Variants in HLCS observed in about 807,000 individuals in gnomAD.
HLCS encodes the protein biotin--protein ligase.
In HLCS, 53 loss-of-function variants were observed where a neutral mutation model predicts 75.0. The ratio of observed to expected loss-of-function variants is 0.71; its 90% CI spans 0.57 to 0.89. The LOEUF is 0.89. Among genes scored for constraint, HLCS ranks in the 40% least tolerant of loss-of-function variants. The pLI is 0.00. For synonymous variants in HLCS, 431 were observed against 428.6 expected, an observed-to-expected ratio of 1.01 and a Z score of -0.07; for missense variants, 966 against 1,074.0, an observed-to-expected ratio of 0.90 and a Z score of 1.41.
intron 6 of HLCS, among the ~76,000 whole-genome samples, chr21:36,773,115 AT>A (rs1414856564): frequency 6.6e-6 from 1 of 152,132 alleles, no homozygotes; most frequent in Admixed American, 6.6e-5. Context: ...ACTTTACTGA[AT>A]TTTCCAATAT....
chr21:36,773,774 A>T (rs1051765995), intron 6 of HLCS, among the ~76,000 whole-genome samples: 5 of 152,150 alleles, frequency 3.3e-5, no homozygotes, highest in Non-Finnish European at 5.9e-5. Context: ...TTTTCATTTT[A>T]AAAAAGCTGA....
chr21:36,821,089 C>T (rs886533310), intron 6 of HLCS, among the ~76,000 whole-genome samples: 1 of 152,142 alleles, frequency 6.6e-6, no homozygotes, highest in Non-Finnish European at 1.5e-5. Context: ...GAAGGAACCA[C>T]GTGTTCATCT....
At chr21:36,886,162 T>G (rs1199133886) in intron 6 of HLCS, among the ~76,000 whole-genome samples, 1 of 151,976 alleles carries the variant, frequency 6.6e-6, no homozygotes, top group African/African-American at 2.4e-5. Context: ...CCAGGCACCG[T>G]GGCTCAGGCC....
rs2089340664 is a variant in HLCS at position 36,750,779 on chromosome 21, TTAAGTATGACA to T, written c.*3456_*3466del. ...CTAATTATTCAAGCTGTTCCTAAAC[TTAAGTATGACA>T]TATAAGATTAAAATCTTGGGGGGAA... is the stretch of plus-strand genomic sequence containing the variant. On this transcript the variant is annotated 3_prime_UTR_variant, in exon 11 of 11. Coordinates refer to ENST00000674895, the MANE Select transcript of HLCS (RefSeq NM_001352514.2). 1 of 150,924 alleles carries T rather than the reference TTAAGTATGACA, an allele frequency of 6.6e-6. No homozygotes were observed. Among genetic ancestry groups the T allele is most frequent in the Non-Finnish European group, 1.5e-5 (1 of 67,874 alleles). The allele number at this position is 150,924 out of a possible 1,614,324, so 9.3% of individuals were successfully genotyped here. A position where few individuals can be genotyped will look rare whatever the true frequency, so the allele number is the denominator to read the frequency against.
chr21:36,868,433 G>C (rs1344203454), intron 6 of HLCS, among the ~76,000 whole-genome samples: 1 of 152,106 alleles, frequency 6.6e-6, no homozygotes, highest in Non-Finnish European at 1.5e-5. Flanking sequence ...GATGGGATTA[G>C]GGAAAACTTT....
intron 6 of HLCS, among the ~76,000 whole-genome samples, chr21:36,844,304 G>C (rs1005312101): frequency 2.6e-5 from 4 of 151,988 alleles, no homozygotes; most frequent in African/African-American, 7.3e-5. Context: ...TGTAATAAAT[G>C]TACCACACTA....
At position 36,792,589 on chromosome 21, in the gene HLCS, C is replaced by T. The variant is rs536203976; in HGVS notation, c.1893-25304G>A. On this transcript the variant is annotated intron_variant, in intron 6 of 10. Coordinates refer to ENST00000674895, the MANE Select transcript of HLCS (RefSeq NM_001352514.2). Reference sequence around the variant, plus strand: ...GAGCTGCTACTTATGATTTCATTTCCTCCTTAGACTGATGGGAGCAATGAC... The same window carrying T: ...GAGCTGCTACTTATGATTTCATTTCTTCCTTAGACTGATGGGAGCAATGAC... Among the ~76,000 whole-genome samples, 6 of 152,198 alleles carry T rather than the reference C, an allele frequency of 3.9e-5. No homozygotes were observed. In the East Asian group the frequency reaches 1.2e-3, roughly 29 times the overall value.
chr21:36,970,324 G>A (rs551220428), upstream of HLCS, among the ~76,000 whole-genome samples: 20 of 152,140 alleles, frequency 1.3e-4, no homozygotes, highest in African/African-American at 3.4e-4. Flanking sequence ...CCTCGACCTC[G>A]TGGGCTCAAG....
chr21:36,905,789 C>T (rs1238920733), intron 5 of HLCS, among the ~76,000 whole-genome samples: 3 of 152,038 alleles, frequency 2.0e-5, no homozygotes, highest in East Asian at 1.9e-4. Flanking sequence ...CAGTGGCTCA[C>T]GTCTGTAATC....
At chr21:36,788,817 G>A (rs1038874393) in intron 6 of HLCS, among the ~76,000 whole-genome samples, 2 of 152,208 alleles carry the variant, frequency 1.3e-5, no homozygotes, top group African/African-American at 4.8e-5. Context: ...ACGTGCCAGA[G>A]CTCTTTAATT....
At chr21:36,967,538 G>C (rs988387999), upstream of HLCS, among the ~76,000 whole-genome samples, 4 of 152,180 alleles carry the variant, frequency 2.6e-5, no homozygotes, top group African/African-American at 9.7e-5. Flanking sequence ...TGACACAGAG[G>C]CTTCTCCCAT....
Position 36,885,129 on chromosome 21 carries a change from C to A in HLCS, c.1892+11731G>T, listed in dbSNP as rs187038004. On this transcript the variant is annotated intron_variant, in intron 6 of 10. Coordinates refer to ENST00000674895, the MANE Select transcript of HLCS (RefSeq NM_001352514.2). ...AAAAGTTGGACTAAAATATTTTTGG[C>A]ACAACAGTAACCAGCAACAAACAAT... Among the ~76,000 whole-genome samples the A allele has an allele frequency of 1.4e-3, 212 of 152,272 alleles. 2 individuals are homozygous for A. The South Asian group carries it at 0.015, about 11-fold the overall frequency.
chr21:36,792,348 G>C (rs2060892090), intron 6 of HLCS, among the ~76,000 whole-genome samples: 1 of 151,958 alleles, frequency 6.6e-6, no homozygotes, highest in Non-Finnish European at 1.5e-5. Flanking sequence ...AGTGGTCAGA[G>C]CAGAAGTAGC....
chr21:36,838,330 C>CT (rs1480562550), intron 6 of HLCS, among the ~76,000 whole-genome samples: 1 of 138,472 alleles, frequency 7.2e-6, no homozygotes, highest in African/African-American at 2.6e-5. Context: ...ACACACACAC[C>CT]CCCACAACCA....
chr21:36,923,805 T>C (rs1453553202), intron 5 of HLCS, among the ~76,000 whole-genome samples: 1 of 152,152 alleles, frequency 6.6e-6, no homozygotes, highest in Non-Finnish European at 1.5e-5. Context: ...ATGTCACCTT[T>C]TGCCATGGGT....
chr21:36,795,971 G>A (rs1204346434), intron 6 of HLCS, among the ~76,000 whole-genome samples: 1 of 152,192 alleles, frequency 6.6e-6, no homozygotes, highest in Non-Finnish European at 1.5e-5. Context: ...TTAAGGACAA[G>A]GTTTTAAAAA....
chr21:36,916,261 T>C (rs771599903), intron 5 of HLCS, among the ~76,000 whole-genome samples: 15 of 152,188 alleles, frequency 9.9e-5, no homozygotes, highest in Admixed American at 7.9e-4. Context: ...GGAATTTTCC[T>C]AGATCAGAGG....
chr21:36,756,694 T>C lies in HLCS; in HGVS notation c.2298A>G (p.Glu766=), dbSNP rs749358137. 1.9e-6 allele frequency: 3 copies of C among 1,614,050 alleles called. No individual in the cohort carries two copies. The highest frequency in any genetic ancestry group is 2.5e-6 in the Non-Finnish European group (3 of 1,180,040). Residue 766 remains glutamate, a synonymous_variant, in exon 10 of 11, where the codon GAA becomes GAG. Transcript: ENST00000674895. ...GTTCTGCCTTGTGTTGTTTATTGTATTCTGTGATGAGGTCGTTGATGCAGA... is the reference window on the plus strand; with the variant it reads ...GTTCTGCCTTGTGTTGTTTATTGTACTCTGTGATGAGGTCGTTGATGCAGA... The part of the protein sequence containing the change: ...PTICINDLIT[E]YNKQHKAELK...
At chr21:36,794,041 CG>C (rs1252920601) in intron 6 of HLCS, among the ~76,000 whole-genome samples, 5 of 152,224 alleles carry the variant, frequency 3.3e-5, no homozygotes, top group Middle Eastern at 3.2e-3. Flanking sequence ...GGACGAGCTA[CG>C]GGTGTGACTG....
Sources: gnomAD v4.1 joint callset for allele counts (sites outside exome capture counted in the v4.1 genomes callset) on GRCh38, gnomAD v4.1.1 for gene constraint, MANE v1.5 for transcripts, NCBI Gene and HGNC (gene_info 2026-07-23, HGNC 2026-07-21) for gene names.